The following PARP2 variants were observed in gnomAD, a reference collection of about 807,000 sequenced individuals.
PARP2 encodes the protein poly [ADP-ribose] polymerase 2.
PARP2 carries 57 observed loss-of-function variants against 77.8 expected under a neutral mutation model. That is an observed-to-expected ratio of 0.73 (90% confidence interval 0.59 to 0.91). The LOEUF is 0.91. Ranked by LOEUF, PARP2 falls within the 40% of genes least tolerant of loss-of-function variation. PARP2 has a pLI of 0.00. For synonymous variants in PARP2, 226 were observed against 242.6 expected (o/e 0.93, Z 0.64); for missense variants, 651 against 689.0 (o/e 0.94, Z 0.62).
At chr14:20,343,884 G>C (rs573324595) in intron 1 of PARP2, among the ~76,000 whole-genome samples, 197 bp downstream of exon 1, 1 of 152,224 alleles carries the variant, frequency 6.6e-6, no homozygotes, top group South Asian at 2.1e-4. Flanking sequence ...AAGCCTTGCG[G>C]AGCTGTAACA....
chr14:20,357,771 C>T lies in PARP2; in HGVS notation c.1687C>T (p.Gln563Ter). Residue 563 changes from glutamine (Q) to a stop codon, truncating the protein, a stop_gained, in exon 16 of 16, where the codon CAG becomes TAG. Coordinates refer to ENST00000429687, the MANE Select transcript of PARP2 (RefSeq NM_001042618.2). LOFTEE classifies it high-confidence loss of function. ...QVRMRYLLKV[Q>*]FNFLQLW is the part of the protein sequence containing the mutation. The stretch of plus-strand genomic sequence containing the variant: ...CCGTATGCGGTACCTTTTAAAGGTT[C>T]AGTTTAATTTCCTTCAGCTGTGGTG... The T allele has an allele frequency of 6.2e-7, 1 of 1,612,976 alleles. No homozygotes were observed. Among genetic ancestry groups the T allele is most frequent in the Non-Finnish European group, 8.5e-7 (1 of 1,179,698 alleles).
In PARP2 at chr14:20,346,924, A is replaced by G. The variant is rs1883746075; in HGVS notation, c.324+11A>G. ...GTCATGCTAAATCAGGTAAGAGGCA[A>G]GAAGAGGTGGCACCATTATATTTAT... is the stretch of plus-strand genomic sequence containing the variant. On this transcript the variant is annotated intron_variant, in intron 4 of 15. Transcript: ENST00000429687. 6.4e-7 allele frequency: 1 copy of G among 1,568,776 alleles called. No homozygotes were observed. The highest frequency in any genetic ancestry group is 2.2e-5 in the East Asian group (1 of 44,644).
intron 8 of PARP2, 84 bp from the exon 9 acceptor site, chr14:20,354,725 A>G (rs927425657): frequency 7.5e-7 from 1 of 1,340,524 alleles, no homozygotes; most frequent in African/African-American, 1.5e-5. Flanking sequence ...TTGAAAGATG[A>G]AAGTCTTTTT....
At position 20,357,101 on chromosome 14, in the gene PARP2, C is replaced by T. The variant is rs372542520; in HGVS notation, c.1380C>T (p.Tyr460=). The T allele has an allele frequency of 2.5e-5, 41 of 1,613,410 alleles. 1 individual carries two copies. The East Asian group carries it at 8.9e-4, about 35-fold the overall frequency. ...FADMSSKSAN[Y]CFASRLKNTG... ...ACATGTCTTCCAAGAGTGCCAATTA[C>T]TGCTTTGCCTCTCGCCTAAAGAATA... Residue 460 remains tyrosine, a synonymous_variant, in exon 14 of 16, where the codon TAC becomes TAT. Coordinates refer to ENST00000429687, the MANE Select transcript of PARP2 (RefSeq NM_001042618.2).
In PARP2 at chr14:20,357,707, C is replaced by T; in HGVS notation, c.1623C>T (p.Leu541=). The change falls in exon 16 of 16, where the codon CTC becomes CTT. Residue 541 remains leucine, a synonymous_variant. Coordinates refer to ENST00000429687, the MANE Select transcript of PARP2 (RefSeq NM_001042618.2). ...TGILNPDGYT[L]NYNEYIVYNP... is the part of the protein sequence containing the mutation. ...TTCTGAATCCAGATGGTTATACCCT[C>T]AACTACAATGAATATATTGTATATA... 6.2e-7 allele frequency: 1 copy of T among 1,613,208 alleles called. No individual in the cohort carries two copies. The highest frequency in any genetic ancestry group is 8.5e-7 in the Non-Finnish European group (1 of 1,179,176).
chr14:20,351,745 C>T (rs930713231), intron 6 of PARP2, among the ~76,000 whole-genome samples: 8 of 92,728 alleles, frequency 8.6e-5, no homozygotes, highest in South Asian at 5.2e-4. Flanking sequence ...GGGCTGAGCA[C>T]GGTGATGCCT....
intron 14 of PARP2, 37 bp downstream of exon 14, chr14:20,357,186 A>T (rs745976619): frequency 1.6e-5 from 24 of 1,487,890 alleles, no homozygotes; most frequent in Non-Finnish European, 2.2e-5. Context: ...CTAGTTTATT[A>T]ATTCCAGTTT....
rs1379488559 is a variant in PARP2, at chr14:20,354,961, T to C, written c.902+14T>C. On this transcript the variant is annotated intron_variant, in intron 9 of 15. Transcript: ENST00000429687. ...GCATGACTTTGGGTAAGGCCTGTGC[T>C]GTTACTTCACTTTGTTCTTCTACCT... 6.2e-7 allele frequency: 1 copy of C among 1,604,768 alleles called. No individual in the cohort carries two copies. Among genetic ancestry groups the C allele is most frequent in the African/African-American group, 1.3e-5 (1 of 74,460 alleles).
At position 20,354,509 on chromosome 14, in the gene PARP2, C is replaced by A. The variant is rs3093923; in HGVS notation, c.763+262C>A. On this transcript the variant is annotated intron_variant, in intron 8 of 15. Transcript: ENST00000429687. ...CCCAGGAGTTTGAAACCAGCCTGGG[C>A]AACATGGTGAGACCCCATCTCTACT... 4.3e-5 allele frequency: 23 copies of A among 530,668 alleles called. No individual in the cohort carries two copies. In the South Asian group the frequency reaches 5.4e-4, roughly 12 times the overall value. 32.9% of individuals were successfully genotyped at this position (530,668 alleles called of 1,614,324 possible). A position where few individuals can be genotyped will look rare whatever the true frequency, so the allele number is the denominator to read the frequency against.
chr14:20,347,549 G>A lies in PARP2; in HGVS notation c.324+636G>A, dbSNP rs187375611. Among the ~76,000 whole-genome samples the A allele has an allele frequency of 2.4e-3, 351 of 148,932 alleles. 5 individuals carry two copies. Among genetic ancestry groups the A allele is most frequent in the Admixed American group, 0.021 (311 of 14,778 alleles). On this transcript the variant is annotated intron_variant, in intron 4 of 15. Coordinates refer to ENST00000429687, the MANE Select transcript of PARP2 (RefSeq NM_001042618.2). ...TCCAGCCTCAGCCTCCCAAGTAGCT[G>A]GGACTACAGGTGCAGTGTCTGGCTA...
rs764948698 is a variant in PARP2 at position 20,355,806 on chromosome 14, A to C, written c.957A>C (p.Gln319His). 3 of 1,613,586 alleles carry C rather than the reference A, an allele frequency of 1.9e-6. No individual in the cohort carries two copies. In the Admixed American group the frequency reaches 5.0e-5, roughly 27 times the overall value. ...AGAAGGAACTGTCAGAAAAAATACAATTACTAGAGGTGAGATATGTATGAT... is the reference window on the plus strand; with the variant it reads ...AGAAGGAACTGTCAGAAAAAATACACTTACTAGAGGTGAGATATGTATGAT... ...RTQKELSEKI[Q>H]LLEALGDIEI... Residue 319 changes from glutamine (Q) to histidine (H), a missense_variant, in exon 10 of 16, where the codon CAA becomes CAC. Coordinates refer to ENST00000429687, the MANE Select transcript of PARP2 (RefSeq NM_001042618.2).
At position 20,352,354 on chromosome 14, in the gene PARP2, C is replaced by G. The variant is rs748775390; in HGVS notation, c.600+7C>G. 6.7e-7 allele frequency: 1 copy of G among 1,482,966 alleles called. No homozygotes were observed. Among genetic ancestry groups the G allele is most frequent in the South Asian group, 1.2e-5 (1 of 85,738 alleles). 91.9% of individuals were successfully genotyped at this position (1,482,966 alleles called of 1,614,324 possible). A position where few individuals can be genotyped will look rare whatever the true frequency, so the allele number is the denominator to read the frequency against. ...CTATGCCACCAATACTCAGGTAACT[C>G]TCACTATACTTTTCGAAAGAAACAC... On this transcript the variant is annotated splice_region_variant and intron_variant, in intron 7 of 15. Transcript: ENST00000429687.
chr14:20,344,199 A>T (rs1341948928), intron 1 of PARP2: 12 of 153,744 alleles, frequency 7.8e-5, no homozygotes, highest in Admixed American at 7.8e-4. Context: ...ATATTGGAGT[A>T]AGTGAAGTAG....
chr14:20,355,106 A>G (rs1884097287), intron 9 of PARP2, 159 bp downstream of exon 9: 3 of 646,166 alleles, frequency 4.6e-6, no homozygotes, highest in Non-Finnish European at 7.6e-6. Flanking sequence ...CTATTTAATC[A>G]GCTTACAAAT....
rs1884137857 is a variant in PARP2, at chr14:20,356,046, C to G, written c.1101+15C>G. On this transcript the variant is annotated intron_variant, in intron 11 of 15. Transcript: ENST00000429687. ...ATGAGTTCAAAGTAAGAAAAATGAT[C>G]ATTTATTTTCATATTCTTGCACCCT... 6.2e-7 allele frequency: 1 copy of G among 1,612,336 alleles called. No individual in the cohort carries two copies. The highest frequency in any genetic ancestry group is 8.5e-7 in the Non-Finnish European group (1 of 1,178,940).
chr14:20,345,082 A>G lies in PARP2; in HGVS notation c.197A>G (p.Gln66Arg), dbSNP rs766961437. Reference protein sequence around the residue: ...KANKDRTEDKQDESVKALLLK... With the variant: ...KANKDRTEDKRDESVKALLLK... ...AATAAGGACAGGACAGAAGACAAGC[A>G]AGATGGTATGCCAGGAAGGTCATGG... Residue 66 changes from glutamine (Q) to arginine (R), a missense_variant, in exon 2 of 16, where the codon CAA becomes CGA. Coordinates refer to ENST00000429687, the MANE Select transcript of PARP2 (RefSeq NM_001042618.2). The G allele has an allele frequency of 1.6e-5, 26 of 1,614,188 alleles. No individual in the cohort carries two copies. Among genetic ancestry groups the G allele is most frequent in the Non-Finnish European group, 2.2e-5 (26 of 1,180,010 alleles).
chr14:20,345,741 C>G (rs1271148889), intron 3 of PARP2, among the ~76,000 whole-genome samples: 2 of 151,944 alleles, frequency 1.3e-5, no homozygotes, highest in Non-Finnish European at 2.9e-5. Flanking sequence ...TTCCTAGAGG[C>G]TGTACAGGAA....
At chr14:20,347,371 T>TA in intron 4 of PARP2, among the ~76,000 whole-genome samples, 1 of 15,440 alleles carries the variant, frequency 6.5e-5, no homozygotes, top group South Asian at 3.2e-3. Context: ...TATATATATA[T>TA]ATATATATAT....
intron 6 of PARP2, among the ~76,000 whole-genome samples, chr14:20,351,442 G>A (rs1428346971): frequency 6.6e-6 from 1 of 152,172 alleles, no homozygotes; most frequent in African/African-American, 2.4e-5. Context: ...GCCTCCCAAA[G>A]TGCGGGATTA....
Sources: gnomAD v4.1 joint callset for allele counts (sites outside exome capture counted in the v4.1 genomes callset) on GRCh38, gnomAD v4.1.1 for gene constraint, MANE v1.5 for transcripts, NCBI Gene and HGNC (gene_info 2026-07-23, HGNC 2026-07-21) for gene names.